The following NEMP2 variants were observed in gnomAD, a reference collection of about 807,000 sequenced individuals.
NEMP2 encodes the protein nuclear envelope integral membrane protein 2.
Under a neutral mutation model 54.2 loss-of-function variants are expected in NEMP2, and 53 were observed. That is an observed-to-expected ratio of 0.98 (90% CI 0.78 to 1.23). The LOEUF (loss-of-function observed/expected upper bound fraction) is 1.23. NEMP2 is among the 50% of genes most tolerant of loss of function. The pLI, the probability that NEMP2 is intolerant of heterozygous loss-of-function variation, is 0.00. For synonymous variants in NEMP2, 197 were observed against 190.3 expected (o/e 1.04, Z -0.29); for missense variants, 455 against 511.3 (o/e 0.89, Z 1.06).
chr2:190,438,371 C>G, the NEMP2 span, among the ~76,000 whole-genome samples: 2 of 152,118 alleles, frequency 1.3e-5, no homozygotes, highest in Non-Finnish European at 2.9e-5. This position sits in a 1 kb window ranked among gnomAD's most constrained non-coding sequence, Gnocchi z 5.2. Context: ...CAAAAGTTAG[C>G]CGGGCATGGT....
the NEMP2 span, among the ~76,000 whole-genome samples, chr2:190,579,733 G>C: frequency 1.3e-5 from 2 of 152,128 alleles, no homozygotes; most frequent in African/African-American, 4.8e-5. Flanking sequence ...GAGAAAGAAG[G>C]CTATGTTGTG....
chr2:190,534,555 T>C lies in NEMP2; in HGVS notation c.97+4A>G. 3 of 1,403,868 alleles carry C rather than the reference T, an allele frequency of 2.1e-6. No homozygotes were observed. The highest frequency in any genetic ancestry group is 2.8e-6 in the Non-Finnish European group (3 of 1,083,666). 87.0% of individuals were successfully genotyped at this position (1,403,868 alleles called of 1,614,324 possible). On this transcript the variant is annotated splice_donor_region_variant and intron_variant, in intron 1 of 8. Coordinates refer to ENST00000409150, the MANE Select transcript of NEMP2 (RefSeq NM_001142645.2). ...GCGCGCCGCCGCCGCCGGTCCCGGG[T>C]TACCTGATAACGCTGCCGCCGCCGC...
At chr2:190,597,332 T>C in the NEMP2 span, among the ~76,000 whole-genome samples, 4 of 150,104 alleles carry the variant, frequency 2.7e-5, no homozygotes, top group East Asian at 7.8e-4. This position sits in a 1 kb window ranked among gnomAD's most constrained non-coding sequence, Gnocchi z 4.7. Context: ...GGCTAAGAGA[T>C]AAAGGGGAGA....
chr2:190,612,140 C>T, the NEMP2 span, among the ~76,000 whole-genome samples: 1 of 149,714 alleles, frequency 6.7e-6, no homozygotes, highest in East Asian at 2.0e-4. Flanking sequence ...CTGACTTGTC[C>T]TAAACATCCC....
chr2:190,478,425 C>A, the NEMP2 span, among the ~76,000 whole-genome samples: 1 of 152,186 alleles, frequency 6.6e-6, no homozygotes, highest in Non-Finnish European at 1.5e-5. Context: ...ATGCCCACCC[C>A]ATGGAAAACA....
chr2:190,464,522 T>A, the NEMP2 span, among the ~76,000 whole-genome samples: 1 of 152,182 alleles, frequency 6.6e-6, no homozygotes, highest in Non-Finnish European at 1.5e-5. Context: ...TAGACTGTAA[T>A]CCTTCTTGTG....
chr2:190,643,023 G>GTTTTTTTTTTTTTTTTTTTTTTTTT, the NEMP2 span, among the ~76,000 whole-genome samples: 2 of 79,566 alleles, frequency 2.5e-5, 1 homozygote, highest in Admixed American at 3.3e-4. Flanking sequence ...AATGGTTAAG[G>GTTTTTTTTTTTTTTTTTTTTTTTTT]TTTTTTTTTT....
the NEMP2 span, among the ~76,000 whole-genome samples, chr2:190,474,233 A>G: frequency 3.7e-4 from 57 of 152,184 alleles, 2 homozygotes; most frequent in African/African-American, 1.3e-3. Flanking sequence ...AACTGAAGGA[A>G]ATAGAGACAC....
At chr2:190,632,739 T>G in the NEMP2 span, among the ~76,000 whole-genome samples, 1 of 152,022 alleles carries the variant, frequency 6.6e-6, no homozygotes, top group African/African-American at 2.4e-5. The surrounding 1 kb of genome is among the most constrained non-coding windows in gnomAD (Gnocchi z 4.8). Flanking sequence ...TTTCCATAAC[T>G]AAGGGGGGCA....
chr2:190,527,158 C>T lies in NEMP2; in HGVS notation c.98-1780G>A, dbSNP rs1193053292. On this transcript the variant is annotated intron_variant, in intron 1 of 8. Coordinates refer to ENST00000409150, the MANE Select transcript of NEMP2 (RefSeq NM_001142645.2). This position sits in a 1 kb window ranked among gnomAD's most constrained non-coding sequence, Gnocchi z 4.0. ...GGGCTTTACATCCAACCCCTGACTC[C>T]TTTAAGGAAAGTGTGGTCAGTTGTT... is the stretch of plus-strand genomic sequence containing the variant. Among the ~76,000 whole-genome samples the T allele has an allele frequency of 6.6e-6, 1 of 152,172 alleles. No homozygotes were observed. Among genetic ancestry groups the T allele is most frequent in the Non-Finnish European group, 1.5e-5 (1 of 68,032 alleles).
the NEMP2 span, among the ~76,000 whole-genome samples, chr2:190,484,315 C>T: frequency 6.6e-6 from 1 of 152,192 alleles, no homozygotes; most frequent in East Asian, 1.9e-4. Context: ...AGTGTAAACA[C>T]ATTTACCCAT....
At chr2:190,582,377 C>T in the NEMP2 span, among the ~76,000 whole-genome samples, 29 of 152,224 alleles carry the variant, frequency 1.9e-4, no homozygotes, top group Admixed American at 7.2e-4. This position sits in a 1 kb window ranked among gnomAD's most constrained non-coding sequence, Gnocchi z 4.6. Flanking sequence ...CCTATAAGAG[C>T]GCCGGGACAC....
chr2:190,509,432 G>T lies in NEMP2; in HGVS notation c.1131-120C>A. 1 of 1,164,172 alleles carries T rather than the reference G, an allele frequency of 8.6e-7. No homozygotes were observed. The highest frequency in any genetic ancestry group is 1.2e-6 in the Non-Finnish European group (1 of 818,800). The allele number at this position is 1,164,172 out of a possible 1,614,324, so 72.1% of individuals were successfully genotyped here. A position where few individuals can be genotyped will look rare whatever the true frequency, so the allele number is the denominator to read the frequency against. On this transcript the variant is annotated intron_variant, in intron 8 of 8. Coordinates refer to ENST00000409150, the MANE Select transcript of NEMP2 (RefSeq NM_001142645.2). This position sits in a 1 kb window ranked among gnomAD's most constrained non-coding sequence, Gnocchi z 6.1. ...AAATTTGACTTTGCATCAATACAGG[G>T]TGGCATTTACACAGTGGGTGTAAAA...
At chr2:190,473,767 A>C in the NEMP2 span, among the ~76,000 whole-genome samples, 4 of 152,220 alleles carry the variant, frequency 2.6e-5, no homozygotes, top group African/African-American at 9.6e-5. Flanking sequence ...CAGAATATAC[A>C]TTCTTTTCAG....
the NEMP2 span, among the ~76,000 whole-genome samples, chr2:190,431,279 C>T: frequency 5.7e-4 from 86 of 152,050 alleles, 2 homozygotes; most frequent in South Asian, 2.1e-4. This position sits in a 1 kb window ranked among gnomAD's most constrained non-coding sequence, Gnocchi z 4.4. Context: ...CAGGCAGAGA[C>T]GCTCCTCACT....
the NEMP2 span, among the ~76,000 whole-genome samples, chr2:190,486,108 T>C: frequency 6.6e-6 from 1 of 152,248 alleles, no homozygotes; most frequent in African/African-American, 2.4e-5. Flanking sequence ...GTCTTGCTTT[T>C]AAGATTATGT....
In NEMP2 at chr2:190,509,419, G is replaced by A; in HGVS notation, c.1131-107C>T. 6.2e-6 allele frequency: 8 copies of A among 1,300,656 alleles called. No homozygotes were observed. The highest frequency in any genetic ancestry group is 1.3e-5 in the South Asian group (1 of 77,358). The allele number at this position is 1,300,656 out of a possible 1,614,324, so 80.6% of individuals were successfully genotyped here. ...ATCCCCTTTAATTAAATTTGACTTT[G>A]CATCAATACAGGGTGGCATTTACAC... is the stretch of plus-strand genomic sequence containing the variant. On this transcript the variant is annotated intron_variant, in intron 8 of 8. Coordinates refer to ENST00000409150, the MANE Select transcript of NEMP2 (RefSeq NM_001142645.2). This position sits in a 1 kb window ranked among gnomAD's most constrained non-coding sequence, Gnocchi z 6.1.
chr2:190,534,542 C>T lies in NEMP2; in HGVS notation c.97+17G>A. The T allele has an allele frequency of 2.2e-6, 3 of 1,390,560 alleles. No homozygotes were observed. The highest frequency in any genetic ancestry group is 3.2e-5 in the South Asian group (2 of 63,008). 86.1% of individuals were successfully genotyped at this position (1,390,560 alleles called of 1,614,324 possible). On this transcript the variant is annotated intron_variant, in intron 1 of 8. Coordinates refer to ENST00000409150, the MANE Select transcript of NEMP2 (RefSeq NM_001142645.2). ...CGAGCACGCACGCGCGCGCCGCCGCCGCCGGTCCCGGGTTACCTGATAACG... is the reference window on the plus strand; with the variant it reads ...CGAGCACGCACGCGCGCGCCGCCGCTGCCGGTCCCGGGTTACCTGATAACG...
At chr2:190,436,587 C>G in the NEMP2 span, 1 of 1,614,212 alleles carries the variant, frequency 6.2e-7, no homozygotes, top group Non-Finnish European at 8.5e-7. This position sits in a 1 kb window ranked among gnomAD's most constrained non-coding sequence, Gnocchi z 5.3. Flanking sequence ...CTTCCTTTAC[C>G]TCTTTCCTCA....
Sources: allele counts gnomAD v4.1 joint callset (sites outside exome capture counted in the v4.1 genomes callset), GRCh38; gene constraint gnomAD v4.1.1; non-coding constraint Gnocchi (gnomAD v3.1); transcripts MANE v1.5; gene names NCBI Gene and HGNC (gene_info 2026-07-23, HGNC 2026-07-21).